KCNQ1: variants seen among roughly 807,000 people sequenced by gnomAD.
The protein encoded by KCNQ1 is potassium voltage-gated channel subfamily KQT member 1.
KCNQ1 carries 49 observed loss-of-function variants against 72.4 expected under a neutral mutation model. That is an observed-to-expected ratio of 0.68 (90% confidence interval 0.54 to 0.86). The LOEUF is 0.86. Ranked by LOEUF, KCNQ1 falls within the 40% of genes least tolerant of loss-of-function variation. The pLI, the probability that KCNQ1 is intolerant of heterozygous loss-of-function variation, is 0.00. For synonymous variants in KCNQ1, 450 were observed against 412.6 expected, an observed-to-expected ratio of 1.09 and a Z score of -1.10; for missense variants, 790 against 945.1, an observed-to-expected ratio of 0.84 and a Z score of 2.15.
At position 2,537,301 on chromosome 11, in the gene KCNQ1, A is replaced by C. The variant is rs1168932824; in HGVS notation, c.477+9283A>C. Among the ~76,000 whole-genome samples, 1 of 152,110 alleles carries C rather than the reference A, an allele frequency of 6.6e-6. No individual in the cohort carries two copies. Among genetic ancestry groups the C allele is most frequent in the African/African-American group, 2.4e-5 (1 of 41,354 alleles). The stretch of plus-strand genomic sequence containing the variant: ...TCCTGCCATGGAGACCATGCAGCCC[A>C]CAGGGCCTAAGATTTCTACTACCTG... On this transcript the variant is annotated intron_variant, in intron 2 of 15. Transcript: ENST00000155840. The surrounding 1 kb of genome is among the most constrained non-coding windows in gnomAD (Gnocchi z 5.2).
chr11:2,737,093 C>A (rs1045449139), intron 11 of KCNQ1, among the ~76,000 whole-genome samples: 22 of 152,180 alleles, frequency 1.4e-4, no homozygotes, highest in Admixed American at 6.5e-5. Flanking sequence ...GAGATCCCAG[C>A]GGGAAGGGGC....
Position 2,666,243 on chromosome 11 carries a change from A to G in KCNQ1, c.1514+4162A>G, listed in dbSNP as rs563855389. On this transcript the variant is annotated intron_variant, in intron 11 of 15. Transcript: ENST00000155840. ...GAGCACCCGGCCCATTGAGATGGGC[A>G]TGGGGGAGGACCAGGACCCCCGAGG... The G allele has an allele frequency of 7.2e-4, 288 of 398,500 alleles. 1 individual carries two copies. Among genetic ancestry groups the G allele is most frequent in the South Asian group, 1.4e-3 (11 of 7,856 alleles). 24.7% of individuals were successfully genotyped at this position (398,500 alleles called of 1,614,324 possible). A position where few individuals can be genotyped will look rare whatever the true frequency, so the allele number is the denominator to read the frequency against.
At chr11:2,836,657 G>A (rs572323571) in intron 15 of KCNQ1, among the ~76,000 whole-genome samples, 77 of 152,356 alleles carry the variant, frequency 5.1e-4, no homozygotes, top group African/African-American at 1.8e-3. Context: ...CACTGTCCCC[G>A]TGATTCTACG....
chr11:2,635,370 G>A lies in KCNQ1; in HGVS notation c.1394-26591G>A, dbSNP rs1849446678. The A allele has an allele frequency of 3.9e-5, 6 of 152,244 alleles. No individual in the cohort carries two copies. In the South Asian group the frequency reaches 1.2e-3, roughly 32 times the overall value. The allele number at this position is 152,244 out of a possible 1,614,324, so 9.4% of individuals were successfully genotyped here. A position where few individuals can be genotyped will look rare whatever the true frequency, so the allele number is the denominator to read the frequency against. On this transcript the variant is annotated intron_variant, in intron 10 of 15. Coordinates refer to ENST00000155840, the MANE Select transcript of KCNQ1 (RefSeq NM_000218.3). ...AATTAATTTTTGTATAAGGTGTAAG[G>A]AAGGGATCCAGTTTCAGCTTTCTAC...
chr11:2,609,105 G>C, intron 10 of KCNQ1: 1 of 397,970 alleles, frequency 2.5e-6, no homozygotes, highest in Non-Finnish European at 4.4e-6. Flanking sequence ...CTAGTTTCTT[G>C]AGGTGGAGAG....
intron 11 of KCNQ1, among the ~76,000 whole-genome samples, chr11:2,738,249 G>A (rs1189891272): frequency 6.6e-6 from 1 of 151,962 alleles, no homozygotes; most frequent in Non-Finnish European, 1.5e-5. Flanking sequence ...TGAGCCCAGG[G>A]GGAGGCAGGG....
chr11:2,796,281 A>T (rs913579871), intron 15 of KCNQ1, among the ~76,000 whole-genome samples: 3 of 152,200 alleles, frequency 2.0e-5, no homozygotes, highest in African/African-American at 7.2e-5. Context: ...TGGCAGCCAC[A>T]GTGCTGATGA....
chr11:2,624,831 A>G lies in KCNQ1; in HGVS notation c.1393+35977A>G, dbSNP rs1849238104. 2.5e-6 allele frequency: 1 copy of G among 398,606 alleles called. No homozygotes were observed. Among genetic ancestry groups the G allele is most frequent in the Non-Finnish European group, 4.4e-6 (1 of 226,060 alleles). 24.7% of individuals were successfully genotyped at this position (398,606 alleles called of 1,614,324 possible). A position where few individuals can be genotyped will look rare whatever the true frequency, so the allele number is the denominator to read the frequency against. On this transcript the variant is annotated intron_variant, in intron 10 of 15. Transcript: ENST00000155840. The surrounding 1 kb of genome is among the most constrained non-coding windows in gnomAD (Gnocchi z 4.9). ...CTACATACCTCATATAAGTGGAAAC[A>G]TACAGTACTTCTCTTCTTGTGACTG...
chr11:2,503,696 TAA>T (rs546684245), intron 1 of KCNQ1, among the ~76,000 whole-genome samples: 8 of 149,894 alleles, frequency 5.3e-5, no homozygotes, highest in Admixed American at 3.3e-4. Flanking sequence ...ATAATAATAA[TAA>T]AAAAACAAAT....
At position 2,497,482 on chromosome 11, in the gene KCNQ1, C is replaced by T. The variant is rs917879103; in HGVS notation, c.387-30446C>T. On this transcript the variant is annotated intron_variant, in intron 1 of 15. Coordinates refer to ENST00000155840, the MANE Select transcript of KCNQ1 (RefSeq NM_000218.3). This position sits in a 1 kb window ranked among gnomAD's most constrained non-coding sequence, Gnocchi z 4.5. ...TGGCTATTGATACTTGTGTATGCAT[C>T]ACAAAGTTCTCATGCTGTGTTTTTC... 8.5e-5 allele frequency among the ~76,000 whole-genome samples: 13 copies of T among 152,114 alleles called. No homozygotes were observed. Among genetic ancestry groups the T allele is most frequent in the African/African-American group, 3.1e-4 (13 of 41,418 alleles).
rs369827753 is a variant in KCNQ1 at position 2,617,698 on chromosome 11, T to A, written c.1393+28844T>A. Reference sequence around the variant, plus strand: ...CCACCAACACTGTACAAGAGTTCCCTAACCCTAGCCAACACTTAATAGCTA... The same window carrying A: ...CCACCAACACTGTACAAGAGTTCCCAAACCCTAGCCAACACTTAATAGCTA... On this transcript the variant is annotated intron_variant, in intron 10 of 15. Transcript: ENST00000155840. This position sits in a 1 kb window ranked among gnomAD's most constrained non-coding sequence, Gnocchi z 4.6. 5 of 398,356 alleles carry A rather than the reference T, an allele frequency of 1.3e-5. No homozygotes were observed. The highest frequency in any genetic ancestry group is 8.8e-5 in the Admixed American group (2 of 22,714). 24.7% of individuals were successfully genotyped at this position (398,356 alleles called of 1,614,324 possible). A position where few individuals can be genotyped will look rare whatever the true frequency, so the allele number is the denominator to read the frequency against.
chr11:2,780,294 T>A (rs1173910600), intron 15 of KCNQ1, among the ~76,000 whole-genome samples: 1 of 152,208 alleles, frequency 6.6e-6, no homozygotes, highest in Non-Finnish European at 1.5e-5. Context: ...GAGGGCTTGG[T>A]GGCACAGCCT....
rs567694812 is a variant in KCNQ1, at chr11:2,619,634, G to A, written c.1393+30780G>A. ...TGTTGGCCTGTAGTTTCCTTTTCTT[G>A]TGATGCCTTTGGCTCACCTGGGTAT... On this transcript the variant is annotated intron_variant, in intron 10 of 15. Transcript: ENST00000155840. 3 of 397,280 alleles carry A rather than the reference G, an allele frequency of 7.6e-6. No individual in the cohort carries two copies. The Admixed American group carries it at 1.3e-4, about 18-fold the overall frequency. The allele number at this position is 397,280 out of a possible 1,614,324, so 24.6% of individuals were successfully genotyped here.
At chr11:2,531,855 AG>A (rs1460342341) in intron 2 of KCNQ1, among the ~76,000 whole-genome samples, 4 of 152,172 alleles carry the variant, frequency 2.6e-5, no homozygotes, top group Non-Finnish European at 5.9e-5. Context: ...GCAGCTGGGG[AG>A]GACTTTCTAA....
At chr11:2,688,441 C>T (rs1850530177) in intron 11 of KCNQ1, 1 of 398,770 alleles carries the variant, frequency 2.5e-6, no homozygotes, top group Non-Finnish European at 4.4e-6. Flanking sequence ...CCTGCCTGTG[C>T]CATCACTATT....
intron 10 of KCNQ1, chr11:2,618,155 C>G: frequency 2.5e-6 from 1 of 398,298 alleles, no homozygotes; most frequent in Non-Finnish European, 4.4e-6. Context: ...GGGTTTTGGT[C>G]TTATGTTTAG....
At position 2,563,567 on chromosome 11, in the gene KCNQ1, G is replaced by A. The variant is rs1450469759; in HGVS notation, c.478-7061G>A. ...TGATTTCCCCTGGGTTGAGGTTGAGGGTCCCAGGGTCTGTCTGCCTAATGA... is the reference window on the plus strand; with the variant it reads ...TGATTTCCCCTGGGTTGAGGTTGAGAGTCCCAGGGTCTGTCTGCCTAATGA... On this transcript the variant is annotated intron_variant, in intron 2 of 15. Transcript: ENST00000155840. The surrounding 1 kb of genome is among the most constrained non-coding windows in gnomAD (Gnocchi z 7.4). 6.6e-6 allele frequency among the ~76,000 whole-genome samples: 1 copy of A among 152,166 alleles called. No homozygotes were observed. Among genetic ancestry groups the A allele is most frequent in the Non-Finnish European group, 1.5e-5 (1 of 68,040 alleles).
intron 1 of KCNQ1, among the ~76,000 whole-genome samples, chr11:2,472,365 C>T (rs1329219829): frequency 6.8e-6 from 1 of 147,812 alleles, no homozygotes; most frequent in African/African-American, 2.5e-5. Flanking sequence ...TGTGTGTGTA[C>T]CTATGTCTGT....
intron 12 of KCNQ1, among the ~76,000 whole-genome samples, chr11:2,771,152 C>G (rs1351493848): frequency 6.6e-6 from 1 of 152,352 alleles, no homozygotes; most frequent in East Asian, 1.9e-4. Context: ...ACTTGGGCAT[C>G]CTGGGGGCTG....
Sources: gnomAD v4.1 joint callset for allele counts (sites outside exome capture counted in the v4.1 genomes callset) on GRCh38, gnomAD v4.1.1 for gene constraint, Gnocchi (gnomAD v3.1) non-coding constraint, MANE v1.5 for transcripts, NCBI Gene and HGNC (gene_info 2026-07-23, HGNC 2026-07-21) for gene names.